The following EPHA4 variants were observed in gnomAD, a reference collection of about 807,000 sequenced individuals.
The protein encoded by EPHA4 is EPH receptor A4.
A neutral mutation model predicts 108.3 loss-of-function variants in EPHA4; 19 were observed. That is an observed-to-expected ratio of 0.18 (90% CI 0.12 to 0.26). The LOEUF (loss-of-function observed/expected upper bound fraction) is 0.26. Ranked by LOEUF, EPHA4 falls within the 10% of genes least tolerant of loss-of-function variation. EPHA4 has a pLI of 1.00. For missense variants in EPHA4, 917 were observed against 1,254.0 expected (o/e 0.73, Z 4.06); for synonymous variants, 449 against 455.5 (o/e 0.99, Z 0.18).
At chr2:221,569,104 A>G (rs1013463532) in intron 1 of EPHA4, among the ~76,000 whole-genome samples, 1 of 152,228 alleles carries the variant, frequency 6.6e-6, no homozygotes, top group Non-Finnish European at 1.5e-5. Context: ...TATGTAGAGC[A>G]GTTACACTCC....
At position 221,436,374 on chromosome 2, in the gene EPHA4, C is replaced by G. The variant is rs1690238176; in HGVS notation, c.2346+25G>C. ...AGGAACAGTTTCACCAGAGTGAAAG[C>G]CCAGATGTCACCGATCTTTCTTACC... On this transcript the variant is annotated intron_variant, in intron 13 of 17. Transcript: ENST00000281821. 3.1e-6 allele frequency: 5 copies of G among 1,607,312 alleles called. No individual in the cohort carries two copies. In the East Asian group the frequency reaches 8.9e-5, roughly 29 times the overall value.
intron 4 of EPHA4, among the ~76,000 whole-genome samples, chr2:221,492,769 G>A (rs1468601247): frequency 6.6e-6 from 1 of 152,228 alleles, no homozygotes; most frequent in Non-Finnish European, 1.5e-5. Context: ...AGACACATTA[G>A]CTGGCTTACC....
chr2:221,493,408 A>G (rs1004614531), intron 4 of EPHA4, among the ~76,000 whole-genome samples: 1 of 152,122 alleles, frequency 6.6e-6, no homozygotes, highest in Non-Finnish European at 1.5e-5. Context: ...AGCTTGTTTG[A>G]AAATGGATGT....
chr2:221,435,891 T>C (rs148573199), intron 13 of EPHA4, among the ~76,000 whole-genome samples: 43 of 151,970 alleles, frequency 2.8e-4, no homozygotes, highest in African/African-American at 8.4e-4. Context: ...ATAAGGATTT[T>C]TTTTAAAGAA....
At chr2:221,436,958 A>G in intron 12 of EPHA4, 103 bp downstream of exon 12, 1 of 849,116 alleles carries the variant, frequency 1.2e-6, no homozygotes, top group Non-Finnish European at 1.9e-6. Context: ...TTTGCCCATT[A>G]AAAGAAATCC....
chr2:221,462,916 G>A (rs1691193413), intron 5 of EPHA4, among the ~76,000 whole-genome samples: 1 of 152,184 alleles, frequency 6.6e-6, no homozygotes, highest in African/African-American at 2.4e-5. Flanking sequence ...TATCTGTAGG[G>A]CATATGCAAA....
chr2:221,435,207 G>A (rs3770201), intron 13 of EPHA4, among the ~76,000 whole-genome samples: 111,059 of 152,030 alleles, frequency 0.73, 41,094 homozygotes, highest in East Asian at 0.96. Context: ...TGAAAACCCA[G>A]TGTATTGCAT....
At chr2:221,423,009 A>AC (rs1260135004) in intron 17 of EPHA4, among the ~76,000 whole-genome samples, 1 of 152,062 alleles carries the variant, frequency 6.6e-6, no homozygotes, top group South Asian at 2.1e-4. Flanking sequence ...TCACTGTGTG[A>AC]CCCCCCTACC....
At chr2:221,438,130 G>A (rs1690303232) in intron 11 of EPHA4, among the ~76,000 whole-genome samples, 1 of 151,752 alleles carries the variant, frequency 6.6e-6, no homozygotes, top group Non-Finnish European at 1.5e-5. Context: ...TCTGAGACAG[G>A]AATTTAAATT....
chr2:221,434,013 G>A, intron 14 of EPHA4, 129 bp downstream of exon 14: 1 of 857,368 alleles, frequency 1.2e-6, no homozygotes, highest in Non-Finnish European at 1.8e-6. Flanking sequence ...TAGCTTGCTA[G>A]ATATATCTGT....
chr2:221,434,042 A>T, intron 14 of EPHA4, 100 bp downstream of exon 14: 2 of 1,248,524 alleles, frequency 1.6e-6, no homozygotes, highest in Non-Finnish European at 2.2e-6. Context: ...ATTTGAGTTT[A>T]ATGTATCATT....
At chr2:221,504,698 TATTC>T (rs1267243882) in intron 3 of EPHA4, among the ~76,000 whole-genome samples, 11 of 152,168 alleles carry the variant, frequency 7.2e-5, no homozygotes, top group Non-Finnish European at 1.0e-4. Flanking sequence ...AAATATCAAG[TATTC>T]ATTGAGTATT....
intron 5 of EPHA4, among the ~76,000 whole-genome samples, chr2:221,471,899 A>G (rs1354707680): frequency 3.3e-5 from 5 of 152,124 alleles, no homozygotes; most frequent in African/African-American, 1.2e-4. Context: ...AACCTTTATC[A>G]CAAACCTTAA....
chr2:221,497,317 TCA>T (rs1044796364), intron 4 of EPHA4, among the ~76,000 whole-genome samples: 4 of 152,166 alleles, frequency 2.6e-5, no homozygotes, highest in African/African-American at 9.6e-5. Flanking sequence ...TCTCTGAATA[TCA>T]CAGTGTTGGT....
Position 221,482,367 on chromosome 2 carries a change from T to C in EPHA4, c.1303A>G (p.Thr435Ala). 6.2e-7 allele frequency: 1 copy of C among 1,603,436 alleles called. No individual in the cohort carries two copies. Among genetic ancestry groups the C allele is most frequent in the Admixed American group, 1.7e-5 (1 of 59,698 alleles). The change falls in exon 5 of 18, where the codon ACC (threonine) becomes GCC (alanine). Residue 435 changes from threonine to alanine, a missense_variant. By Grantham distance (58) the Thr-to-Ala change is moderately conservative. This residue lies in a region of EPHA4 where 758 missense variants were observed against 1,076.7 expected (regional missense o/e 0.70). Coordinates refer to ENST00000281821, the MANE Select transcript of EPHA4 (RefSeq NM_004438.5). ...CAATTCCTACCTGCTTGGTTGGTGG[T>C]CACAGTGACAGAAACTGATTGGTCT... ...NPDQSVSVTV[T>A]TNQAAPSSIA...
intron 4 of EPHA4, among the ~76,000 whole-genome samples, chr2:221,486,066 T>G (rs1691964240): frequency 6.6e-6 from 1 of 152,198 alleles, no homozygotes; most frequent in South Asian, 2.1e-4. Context: ...ACAGAGTGAT[T>G]GCCTTTGTCA....
chr2:221,480,475 C>G (rs1432425569), intron 5 of EPHA4, among the ~76,000 whole-genome samples: 1 of 152,130 alleles, frequency 6.6e-6, no homozygotes, highest in Non-Finnish European at 1.5e-5. Context: ...TCAGAGAGAC[C>G]AGCAGCACCG....
At chr2:221,554,224 C>T (rs1559291367) in intron 3 of EPHA4, among the ~76,000 whole-genome samples, 1 of 152,224 alleles carries the variant, frequency 6.6e-6, no homozygotes, top group African/African-American at 2.4e-5. Flanking sequence ...CTTTGAACAG[C>T]ATCATCAAAC....
Position 221,442,864 on chromosome 2 carries a change from G to C in EPHA4, c.2039C>G (p.Pro680Arg), listed in dbSNP as rs372198896. ...EASIMGQFDH[P>R]NIIHLEGVVT... ...CACGCCTTCCAAGTGAATGATGTTC[G>C]GATGGTCAAACTGTCCCATGATGCT... Residue 680 changes from proline (P) to arginine (R), a missense_variant, in exon 11 of 18, where the codon CCG (proline) becomes CGG (arginine). By Grantham distance (103) the Pro-to-Arg change is moderately radical (BLOSUM62 -2). This residue lies in a region of EPHA4 where 758 missense variants were observed against 1,076.7 expected (regional missense o/e 0.70). Transcript: ENST00000281821. The C allele has an allele frequency of 6.2e-7, 1 of 1,614,102 alleles. No individual in the cohort carries two copies. The highest frequency in any genetic ancestry group is 1.1e-5 in the South Asian group (1 of 91,072).
Sources: gnomAD v4.1 joint callset for allele counts (sites outside exome capture counted in the v4.1 genomes callset) on GRCh38, gnomAD v4.1.1 for gene constraint, gnomAD v4.1.1 regional missense constraint, MANE v1.5 for transcripts, NCBI Gene and HGNC (gene_info 2026-07-23, HGNC 2026-07-21) for gene names.